The following MAML2 variants were observed in gnomAD, a reference collection of about 807,000 sequenced individuals.
MAML2 encodes the protein mastermind like transcriptional coactivator 2.
A neutral mutation model predicts 96.1 loss-of-function variants in MAML2; 22 were observed. The observed-to-expected ratio is 0.23, with a 90% confidence interval of 0.16 to 0.33. The LOEUF is 0.33. Among genes scored for constraint, MAML2 ranks in the 10% least tolerant of loss-of-function variants. The probability of loss-of-function intolerance (pLI) is 1.00; values close to 1 mark genes in which losing one functional copy is unlikely to be tolerated. For synonymous variants in MAML2, 561 were observed against 521.3 expected (o/e 1.08, Z -1.04); for missense variants, 1,367 against 1,392.4 (o/e 0.98, Z 0.29).
chr11:96,004,185 A>G lies in MAML2; in HGVS notation c.2140-12462T>C, dbSNP rs116573301. ...ATTCCTCTAGAAATATTTGGAAAGT[A>G]TTATGGTTTTGGGTAGGACAAGTTA... On this transcript the variant is annotated intron_variant, in intron 2 of 4. Transcript: ENST00000524717. 1.6e-3 allele frequency among the ~76,000 whole-genome samples: 242 copies of G among 152,338 alleles called. 2 individuals are homozygous for G. The highest frequency in any genetic ancestry group is 5.6e-3 in the African/African-American group (234 of 41,582).
Position 96,341,993 on chromosome 11 carries a change from A to C in MAML2, c.-98T>G. On this transcript the variant is annotated 5_prime_UTR_variant, in exon 1 of 5. Transcript: ENST00000524717. ...AGTCTGTTTTTGACAATGTGAGCTC[A>C]GTGTTCAGGGCCACATGAATAGAGG... 8.9e-6 allele frequency: 11 copies of C among 1,232,000 alleles called. No individual in the cohort carries two copies. Among genetic ancestry groups the C allele is most frequent in the Non-Finnish European group, 1.1e-5 (10 of 912,750 alleles). The allele number at this position is 1,232,000 out of a possible 1,614,324, so 76.3% of individuals were successfully genotyped here. A position where few individuals can be genotyped will look rare whatever the true frequency, so the allele number is the denominator to read the frequency against.
chr11:96,268,769 C>A (rs1862867989), intron 1 of MAML2, among the ~76,000 whole-genome samples: 3 of 108,134 alleles, frequency 2.8e-5, no homozygotes, highest in African/African-American at 8.2e-5. Flanking sequence ...TTCCCCTGCA[C>A]ACGATCTGTT....
chr11:96,339,663 G>A (rs993793952), intron 1 of MAML2, among the ~76,000 whole-genome samples: 10 of 152,208 alleles, frequency 6.6e-5, no homozygotes, highest in East Asian at 1.9e-4. Context: ...ACACAAAGCC[G>A]CATTATTGGG....
intron 2 of MAML2, among the ~76,000 whole-genome samples, chr11:96,052,350 G>T (rs950009061): frequency 2.9e-4 from 44 of 151,164 alleles, no homozygotes; most frequent in Admixed American, 2.0e-4. Context: ...AAATTGTCAG[G>T]TCTCCAGTTC....
intron 1 of MAML2, among the ~76,000 whole-genome samples, chr11:96,115,413 C>T (rs1467178933): frequency 6.6e-6 from 1 of 151,512 alleles, no homozygotes; most frequent in African/African-American, 2.4e-5. Flanking sequence ...TCAAGCAAAT[C>T]TCTTGCCTCA....
chr11:96,104,601 G>A (rs1187693972), intron 1 of MAML2, among the ~76,000 whole-genome samples: 2 of 152,144 alleles, frequency 1.3e-5, no homozygotes, highest in Non-Finnish European at 2.9e-5. Context: ...CCTTTTAAAT[G>A]CTCTTCTAGT....
chr11:96,062,691 T>A (rs568223738), intron 2 of MAML2, among the ~76,000 whole-genome samples: 79 of 152,262 alleles, frequency 5.2e-4, no homozygotes, highest in Non-Finnish European at 7.8e-4. Context: ...CACCAGCAGC[T>A]CTCCTTATCC....
At chr11:96,078,537 T>G (rs1293949109) in intron 2 of MAML2, among the ~76,000 whole-genome samples, 1 of 152,252 alleles carries the variant, frequency 6.6e-6, no homozygotes. Context: ...AGGTATCTAC[T>G]GCTAATTTCT....
At chr11:96,331,749 C>T (rs747392646) in intron 1 of MAML2, among the ~76,000 whole-genome samples, 9 of 145,184 alleles carry the variant, frequency 6.2e-5, no homozygotes, top group South Asian at 4.4e-4. Context: ...ACCCAGGAGG[C>T]GGCGGTTGCA....
intron 2 of MAML2, among the ~76,000 whole-genome samples, chr11:96,014,514 A>C (rs1325466079): frequency 6.6e-6 from 1 of 152,194 alleles, no homozygotes; most frequent in Non-Finnish European, 1.5e-5. Flanking sequence ...TGTAGAGAGA[A>C]AGCTTTCAGG....
intron 1 of MAML2, among the ~76,000 whole-genome samples, chr11:96,230,868 T>A (rs183716769): frequency 5.2e-4 from 79 of 152,350 alleles, no homozygotes; most frequent in Middle Eastern, 6.8e-3. Flanking sequence ...TTGTAAGAGA[T>A]CATCACACTC....
In MAML2 at chr11:95,976,718, A is replaced by C. The variant is rs1353545241; in HGVS notation, c.*2230T>G. 5.5e-6 allele frequency: 1 copy of C among 180,592 alleles called. No homozygotes were observed. The highest frequency in any genetic ancestry group is 1.2e-5 in the Non-Finnish European group (1 of 84,530). 11.2% of individuals were successfully genotyped at this position (180,592 alleles called of 1,614,324 possible). ...ATTGCTTTATCTCTTAAATTTGATA[A>C]CTACTACAAAACATACTATTTATGT... On this transcript the variant is annotated 3_prime_UTR_variant, in exon 5 of 5. Transcript: ENST00000524717.
chr11:96,250,344 T>C (rs921360762), intron 1 of MAML2, among the ~76,000 whole-genome samples: 6 of 152,242 alleles, frequency 3.9e-5, no homozygotes, highest in Non-Finnish European at 7.3e-5. Flanking sequence ...ATAATCATAG[T>C]GCTCTGATCA....
At chr11:96,175,999 A>T (rs1244190093) in intron 1 of MAML2, among the ~76,000 whole-genome samples, 2 of 152,222 alleles carry the variant, frequency 1.3e-5, no homozygotes, top group African/African-American at 4.8e-5. Flanking sequence ...AGGGAAAAAA[A>T]GACTCCTCAA....
At chr11:96,305,349 C>T (rs1379245240) in intron 1 of MAML2, among the ~76,000 whole-genome samples, 3 of 152,074 alleles carry the variant, frequency 2.0e-5, no homozygotes, top group Non-Finnish European at 4.4e-5. Flanking sequence ...CAACTACAGA[C>T]CTTGGGTGAT....
rs117010687 is a variant in MAML2 at position 96,117,644 on chromosome 11, T to C, written c.514-24127A>G. Among the ~76,000 whole-genome samples the C allele has an allele frequency of 1.9e-3, 287 of 152,256 alleles. 7 individuals are homozygous for C. The East Asian group carries it at 0.052, about 27-fold the overall frequency. On this transcript the variant is annotated intron_variant, in intron 1 of 4. Coordinates refer to ENST00000524717, the MANE Select transcript of MAML2 (RefSeq NM_032427.4). ...AAAGTATTGCAGCAAGAATGAAATA[T>C]GCAAATAAGCATCATTAACAACTAA...
intron 2 of MAML2, among the ~76,000 whole-genome samples, chr11:96,081,937 A>C (rs890349931): frequency 2.0e-5 from 3 of 152,224 alleles, no homozygotes; most frequent in Admixed American, 6.5e-5. Flanking sequence ...ATTCATATAA[A>C]ATTATTCAAA....
intron 1 of MAML2, among the ~76,000 whole-genome samples, chr11:96,221,461 G>GT (rs1385822509): frequency 6.6e-6 from 1 of 152,168 alleles, no homozygotes; most frequent in Non-Finnish European, 1.5e-5. Flanking sequence ...TGGGAACAGT[G>GT]TAACACTGTG....
chr11:96,186,450 G>T (rs937311136), intron 1 of MAML2, among the ~76,000 whole-genome samples: 1 of 152,154 alleles, frequency 6.6e-6, no homozygotes, highest in Non-Finnish European at 1.5e-5. Flanking sequence ...TTAGCCAAGC[G>T]TGGTGGTGCA....
Sources: allele counts gnomAD v4.1 joint callset (sites outside exome capture counted in the v4.1 genomes callset), GRCh38; gene constraint gnomAD v4.1.1; transcripts MANE v1.5; gene names NCBI Gene and HGNC (gene_info 2026-07-23, HGNC 2026-07-21).